Variants in GPC3 observed in about 807,000 individuals in gnomAD.
GPC3 encodes glypican-3.
A neutral mutation model predicts 34.4 loss-of-function variants in GPC3; 3 were observed. The observed-to-expected ratio is 0.09, with a 90% CI of 0.04 to 0.23. The LOEUF is 0.23. GPC3 is among the 10% of genes least tolerant of loss of function. The pLI is 1.00. For synonymous variants in GPC3, 177 were observed against 174.0 expected, an observed-to-expected ratio of 1.02 and a Z score of -0.13; for missense variants, 351 against 445.6, an observed-to-expected ratio of 0.79 and a Z score of 1.91.
intron 5 of GPC3, among the ~76,000 whole-genome samples, chrX:133,686,047 G>C (rs1255987105): frequency 8.9e-6 from 1 of 112,048 alleles, no homozygotes; most frequent in Non-Finnish European, 1.9e-5. Flanking sequence ...GGGAACTAAG[G>C]CATCGTGCCA....
intron 6 of GPC3, among the ~76,000 whole-genome samples, chrX:133,655,860 TG>T (rs1016775082): frequency 1.8e-5 from 2 of 111,997 alleles, no homozygotes; most frequent in Admixed American, 1.9e-4. Context: ...AGTGCTCCTT[TG>T]GCACTTAACA....
intron 7 of GPC3, among the ~76,000 whole-genome samples, chrX:133,537,713 C>T (rs753179756): frequency 7.4e-4 from 83 of 111,896 alleles, no homozygotes; most frequent in Admixed American, 2.7e-3. Context: ...TAATATAAGG[C>T]GACATCTCAA....
At chrX:133,671,292 CA>C (rs1345257758) in intron 5 of GPC3, 1 of 876,979 alleles carries the variant, frequency 1.1e-6, no homozygotes, top group African/African-American at 2.0e-5. Flanking sequence ...AAAAAGACCT[CA>C]AGAAAGCAAC....
At chrX:133,765,496 A>T (rs930742388) in intron 2 of GPC3, among the ~76,000 whole-genome samples, 1 of 111,812 alleles carries the variant, frequency 8.9e-6, no homozygotes, top group Non-Finnish European at 1.9e-5. Context: ...CTAATAAAAA[A>T]CCTGTATTTC....
At chrX:133,537,609 A>C (rs2069305785) in intron 7 of GPC3, among the ~76,000 whole-genome samples, 1 of 111,758 alleles carries the variant, frequency 8.9e-6, no homozygotes, top group African/African-American at 3.3e-5. Context: ...CTAAGATACC[A>C]ATTTCCAAAA....
At chrX:133,607,956 G>T (rs1448674411) in intron 6 of GPC3, among the ~76,000 whole-genome samples, 1 of 112,769 alleles carries the variant, frequency 8.9e-6, no homozygotes, top group Admixed American at 9.3e-5. Flanking sequence ...TCCCAGATAA[G>T]TACTCTCTTT....
intron 5 of GPC3, among the ~76,000 whole-genome samples, chrX:133,678,816 G>C (rs1281337206): frequency 8.9e-6 from 1 of 111,786 alleles, no homozygotes; most frequent in African/African-American, 3.3e-5. Context: ...TTCTCCAGGG[G>C]AACATTAGCC....
intron 3 of GPC3, 54 bp from the exon 4 acceptor site, chrX:133,700,082 G>C (rs1473903678): frequency 1.3e-5 from 13 of 978,917 alleles, no homozygotes; most frequent in Admixed American, 4.6e-5. Context: ...TATGATAGTA[G>C]AAACAAATTC....
chrX:133,945,731 G>A (rs763405174), intron 2 of GPC3, among the ~76,000 whole-genome samples: 17 of 107,483 alleles, frequency 1.6e-4, no homozygotes, highest in African/African-American at 5.4e-4. Context: ...TCCAGCCTGG[G>A]TGACAGAGAG....
chrX:133,669,619 G>A (rs1221411896), intron 5 of GPC3, among the ~76,000 whole-genome samples: 1 of 111,923 alleles, frequency 8.9e-6, no homozygotes, highest in African/African-American at 3.3e-5. Context: ...GGCCATGGGG[G>A]ATTGTAACAA....
At chrX:133,735,799 CAA>C (rs2071505721) in intron 3 of GPC3, among the ~76,000 whole-genome samples, 1 of 108,249 alleles carries the variant, frequency 9.2e-6, no homozygotes, top group Admixed American at 9.9e-5. Flanking sequence ...CTCATCTCTA[CAA>C]AAAATACAAA....
At chrX:133,742,873 G>C (rs2071575957) in intron 3 of GPC3, among the ~76,000 whole-genome samples, 1 of 111,930 alleles carries the variant, frequency 8.9e-6, no homozygotes, top group Non-Finnish European at 1.9e-5. Flanking sequence ...ATCTGTTTTA[G>C]GCATTCTGAG....
At chrX:133,574,495 GA>G (rs769909257) in intron 7 of GPC3, among the ~76,000 whole-genome samples, 19 of 111,872 alleles carry the variant, frequency 1.7e-4, no homozygotes, top group African/African-American at 5.8e-4. Flanking sequence ...CAAAGATAAC[GA>G]CTGGTTCAAA....
chrX:133,661,622 CTCTCTCTCT>C (rs2070724335), intron 6 of GPC3, 99 bp downstream of exon 6: 3 of 29,202 alleles, frequency 1.0e-4, no homozygotes, highest in Non-Finnish European at 1.8e-4. Context: ...CTCTCTCTCT[CTCTCTCTCT>C]CTCCCCCCCC....
intron 5 of GPC3, among the ~76,000 whole-genome samples, chrX:133,684,218 C>T (rs1381072368): frequency 3.6e-5 from 4 of 111,863 alleles, no homozygotes; most frequent in Non-Finnish European, 7.5e-5. Flanking sequence ...TGTTTCTGCT[C>T]CTGGGAAAAC....
In GPC3 at chrX:133,606,775, T is replaced by A. The variant is rs191370008; in HGVS notation, c.1414-10176A>T. Among the ~76,000 whole-genome samples, 470 of 111,935 alleles carry A rather than the reference T, an allele frequency of 4.2e-3. 1 individual carries two copies. Among genetic ancestry groups the A allele is most frequent in the African/African-American group, 0.014 (434 of 30,800 alleles). ...GTTCCATGTTTCTTCTCTATGAGTA[T>A]AATAATACTTGTATCCATCTCCCAC... On this transcript the variant is annotated intron_variant, in intron 6 of 7. Transcript: ENST00000370818.
chrX:133,733,422 T>C (rs946967126), intron 3 of GPC3, among the ~76,000 whole-genome samples: 5 of 110,951 alleles, frequency 4.5e-5, no homozygotes, highest in African/African-American at 1.6e-4. Flanking sequence ...AAAAAACTAC[T>C]TGTACCCCAA....
chrX:133,588,341 C>T (rs1315067721), intron 7 of GPC3, among the ~76,000 whole-genome samples: 6 of 110,665 alleles, frequency 5.4e-5, no homozygotes, highest in Admixed American at 1.9e-4. Context: ...TAATGTATTC[C>T]GAGTTCTGCA....
chrX:133,778,634 T>C (rs1353191598), intron 2 of GPC3, among the ~76,000 whole-genome samples: 1 of 111,733 alleles, frequency 8.9e-6, no homozygotes. Context: ...TTGGCAAAAA[T>C]GTAAAAGGTC....
Sources: allele counts gnomAD v4.1 joint callset (sites outside exome capture counted in the v4.1 genomes callset), GRCh38; gene constraint gnomAD v4.1.1; transcripts MANE v1.5; gene names NCBI Gene and HGNC (gene_info 2026-07-23, HGNC 2026-07-21).